TMEM182: variants seen among roughly 807,000 people sequenced by gnomAD.
TMEM182 encodes the protein transmembrane protein 182.
TMEM182 carries 20 observed loss-of-function variants against 26.8 expected under a neutral mutation model. That is an observed-to-expected ratio of 0.75 (90% CI 0.53 to 1.09). TMEM182 has a LOEUF of 1.09. Ranked by LOEUF, TMEM182 falls within the 50% of genes least tolerant of loss-of-function variation. The pLI is 0.00. For missense variants in TMEM182, 277 were observed against 275.5 expected, an observed-to-expected ratio of 1.01 and a Z score of -0.04; for synonymous variants, 109 against 102.2, an observed-to-expected ratio of 1.07 and a Z score of -0.40.
intron 3 of TMEM182, among the ~76,000 whole-genome samples, chr2:102,793,353 A>G (rs539736392): frequency 3.9e-5 from 6 of 152,320 alleles, no homozygotes; most frequent in South Asian, 4.1e-4. Context: ...AAACGTTCCC[A>G]TGAGAGATGG....
At chr2:102,785,321 C>A (rs2732865) in intron 3 of TMEM182, among the ~76,000 whole-genome samples, 3,520 of 152,276 alleles carry the variant, frequency 0.023, 50 homozygotes, top group Non-Finnish European at 0.039. Flanking sequence ...ATCACCTCCC[C>A]CAAAGAGCTT....
chr2:102,764,453 C>A (rs1277840272), intron 3 of TMEM182, 26 bp downstream of exon 3: 3 of 1,598,170 alleles, frequency 1.9e-6, no homozygotes, highest in Non-Finnish European at 2.6e-6. Context: ...CCTCAGCCTA[C>A]TTCTAAAAGG....
intron 4 of TMEM182, among the ~76,000 whole-genome samples, chr2:102,807,053 T>G (rs1682377159): frequency 6.6e-6 from 1 of 152,194 alleles, no homozygotes; most frequent in Non-Finnish European, 1.5e-5. Context: ...TCATTCTCTG[T>G]TAATGATTGT....
intron 1 of TMEM182, among the ~76,000 whole-genome samples, chr2:102,743,010 A>G (rs1193090723): frequency 1.3e-5 from 2 of 152,246 alleles, no homozygotes; most frequent in Non-Finnish European, 2.9e-5. Flanking sequence ...ATCCATGAAA[A>G]TAAGATCTTT....
chr2:102,805,122 C>T (rs762429497), intron 4 of TMEM182, among the ~76,000 whole-genome samples: 11 of 152,298 alleles, frequency 7.2e-5, no homozygotes, highest in Middle Eastern at 3.4e-3. Flanking sequence ...AGAGATGTGA[C>T]GGCTTTTATT....
At chr2:102,745,142 T>C (rs1573482518) in intron 1 of TMEM182, among the ~76,000 whole-genome samples, 1 of 152,082 alleles carries the variant, frequency 6.6e-6, no homozygotes, top group East Asian at 1.9e-4. Flanking sequence ...TTTTTTTGTT[T>C]AGATAATTTC....
At chr2:102,810,357 T>G (rs2104751057) in intron 4 of TMEM182, among the ~76,000 whole-genome samples, 1 of 152,310 alleles carries the variant, frequency 6.6e-6, no homozygotes, top group Non-Finnish European at 1.5e-5. Context: ...CAATTTTATG[T>G]CTCAGTTTTT....
chr2:102,737,114 T>C (rs1679375986), intron 1 of TMEM182: 3 of 357,616 alleles, frequency 8.4e-6, no homozygotes, highest in Non-Finnish European at 1.5e-5. Flanking sequence ...GGGAATTGTA[T>C]TGAGCTTCAC....
chr2:102,757,528 T>C (rs938466927), upstream of TMEM182: 2 of 152,168 alleles, frequency 1.3e-5, no homozygotes, highest in Non-Finnish European at 2.9e-5. Context: ...TAAAGACTTA[T>C]CTGTATTCAA....
chr2:102,812,971 G>A (rs1386456563), intron 4 of TMEM182, among the ~76,000 whole-genome samples: 1 of 152,118 alleles, frequency 6.6e-6, no homozygotes, highest in Non-Finnish European at 1.5e-5. Context: ...CAAAATCTGA[G>A]GTATGGCGTT....
At chr2:102,828,577 A>G (rs1215846390) in intron 3 of TMEM182, among the ~76,000 whole-genome samples, 1 of 152,194 alleles carries the variant, frequency 6.6e-6, no homozygotes, top group Admixed American at 6.5e-5. Flanking sequence ...CGAGATTTAC[A>G]TGGCAGTTAA....
chr2:102,770,087 G>A (rs1401603155), intron 3 of TMEM182, among the ~76,000 whole-genome samples: 1 of 152,166 alleles, frequency 6.6e-6, no homozygotes, highest in Non-Finnish European at 1.5e-5. Context: ...TCATAGGAAA[G>A]AAGACAGTAA....
Position 102,815,966 on chromosome 2 carries a change from C to T in TMEM182, c.*998C>T. On this transcript the variant is annotated 3_prime_UTR_variant, in exon 5 of 5. Coordinates refer to ENST00000412401, the MANE Select transcript of TMEM182 (RefSeq NM_144632.5). ...CCCCAAGATGTTATGGGTTCCAGTT[C>T]TTCTGATCATTTGATTCCTTTAATT... The T allele has an allele frequency of 1.0e-6, 1 of 984,674 alleles. No homozygotes were observed. The highest frequency in any genetic ancestry group is 1.2e-6 in the Non-Finnish European group (1 of 829,268). The allele number at this position is 984,674 out of a possible 1,614,324, so 61.0% of individuals were successfully genotyped here. A position where few individuals can be genotyped will look rare whatever the true frequency, so the allele number is the denominator to read the frequency against.
chr2:102,785,357 C>G lies in TMEM182; in HGVS notation c.332-12506C>G, dbSNP rs895359926. ...TTATGCAATATGCTAAGATTGCACC[C>G]TTTCTCTATTCTGGCATAATAAACC... On this transcript the variant is annotated intron_variant, in intron 3 of 4. Coordinates refer to ENST00000412401, the MANE Select transcript of TMEM182 (RefSeq NM_144632.5). 1.5e-4 allele frequency among the ~76,000 whole-genome samples: 23 copies of G among 152,316 alleles called. 1 individual carries two copies. The highest frequency in any genetic ancestry group is 1.1e-3 in the Admixed American group (17 of 15,304).
intron 3 of TMEM182, among the ~76,000 whole-genome samples, chr2:102,793,865 C>A (rs1681750786): frequency 6.6e-6 from 1 of 152,118 alleles, no homozygotes; most frequent in Admixed American, 6.5e-5. Context: ...TATTGCTGAA[C>A]ACAAGACCCC....
rs1324330403 is a variant in TMEM182 at position 102,816,235 on chromosome 2, G to A, written c.*1267G>A. On this transcript the variant is annotated 3_prime_UTR_variant, in exon 5 of 5. Coordinates refer to ENST00000412401, the MANE Select transcript of TMEM182 (RefSeq NM_144632.5). ...CTCCATCGCAGGGGAGCTCGGCAGG[G>A]TATGTGAGCTTTGTTGGAGGTGCGG... 1 of 985,262 alleles carries A rather than the reference G, an allele frequency of 1.0e-6. No individual in the cohort carries two copies. Among genetic ancestry groups the A allele is most frequent in the Non-Finnish European group, 1.2e-6 (1 of 829,936 alleles). 61.0% of individuals were successfully genotyped at this position (985,262 alleles called of 1,614,324 possible).
chr2:102,764,154 G>T (rs912679146), intron 2 of TMEM182, among the ~76,000 whole-genome samples, 175 bp from the exon 3 acceptor site: 2 of 152,176 alleles, frequency 1.3e-5, no homozygotes, highest in Non-Finnish European at 2.9e-5. Context: ...TGTGCATCTT[G>T]ATATGAGTTT....
intron 3 of TMEM182, among the ~76,000 whole-genome samples, chr2:102,780,839 T>G (rs1681139053): frequency 6.6e-6 from 1 of 152,198 alleles, no homozygotes; most frequent in Admixed American, 6.5e-5. Context: ...GTAGAGGGGT[T>G]ATTTTCTAAA....
intron 4 of TMEM182, among the ~76,000 whole-genome samples, chr2:102,811,961 G>A (rs1481721781): frequency 1.3e-5 from 2 of 152,192 alleles, no homozygotes; most frequent in Non-Finnish European, 2.9e-5. Flanking sequence ...GGTGTTGCCA[G>A]ATGCTCTCAA....
Sources: allele counts gnomAD v4.1 joint callset (sites outside exome capture counted in the v4.1 genomes callset), GRCh38; gene constraint gnomAD v4.1.1; transcripts MANE v1.5; gene names NCBI Gene and HGNC (gene_info 2026-07-23, HGNC 2026-07-21).